Variants in PRKG1 observed in about 807,000 individuals in gnomAD.
The protein encoded by PRKG1 is protein kinase cGMP-dependent 1.
In PRKG1, 35 loss-of-function variants were observed where a neutral mutation model predicts 88.1. That is an observed-to-expected ratio of 0.40 (90% CI 0.30 to 0.53). The LOEUF is 0.53. Among genes scored for constraint, PRKG1 ranks in the 20% least tolerant of loss-of-function variants. The pLI is 0.59. For synonymous variants in PRKG1, 303 were observed against 292.5 expected (o/e 1.04, Z -0.37); for missense variants, 540 against 839.8 (o/e 0.64, Z 4.41).
intron 2 of PRKG1, among the ~76,000 whole-genome samples, chr10:51,441,254 C>A (rs1463630555): frequency 1.3e-5 from 2 of 151,902 alleles, no homozygotes; most frequent in African/African-American, 4.8e-5. Flanking sequence ...TATGTTTAGT[C>A]AGTTTTGCTC....
chr10:51,001,924 T>C (rs1842893957), intron 1 of PRKG1, among the ~76,000 whole-genome samples: 1 of 151,448 alleles, frequency 6.6e-6, no homozygotes, highest in Non-Finnish European at 1.5e-5. Context: ...ATTTATAAGT[T>C]TGAAAAGTGT....
chr10:51,597,174 T>G (rs1838472793), intron 3 of PRKG1, among the ~76,000 whole-genome samples: 1 of 130,250 alleles, frequency 7.7e-6, no homozygotes. Flanking sequence ...CTAGAGTTTG[T>G]TTTTTTTTTA....
At chr10:52,269,065 A>T (rs192342274) in intron 10 of PRKG1, among the ~76,000 whole-genome samples, 2,103 of 139,374 alleles carry the variant, frequency 0.015, 60 homozygotes, top group African/African-American at 0.061. Context: ...TACAAGTATA[A>T]AAAAAAAAAA....
chr10:51,138,751 C>T (rs765410541), intron 1 of PRKG1, among the ~76,000 whole-genome samples: 34 of 126,876 alleles, frequency 2.7e-4, no homozygotes, highest in African/African-American at 9.4e-4. Context: ...GGCATGATCT[C>T]GGCTCACTGC....
chr10:51,890,177 T>G (rs529343467), intron 4 of PRKG1, among the ~76,000 whole-genome samples: 1 of 152,284 alleles, frequency 6.6e-6, no homozygotes, highest in African/African-American at 2.4e-5. Context: ...TCTTCTAGGG[T>G]TTTTATGGTT....
At chr10:52,164,293 G>A (rs570045837) in intron 9 of PRKG1, among the ~76,000 whole-genome samples, 132 of 152,142 alleles carry the variant, frequency 8.7e-4, no homozygotes, top group Non-Finnish European at 1.4e-3. Context: ...GGAGGTTGCC[G>A]TGAGCCAAGA....
intron 8 of PRKG1, among the ~76,000 whole-genome samples, chr10:52,149,921 T>C (rs2132665285): frequency 6.6e-6 from 1 of 151,988 alleles, no homozygotes; most frequent in East Asian, 1.9e-4. Flanking sequence ...CCAAGGTGGG[T>C]GGAATCACTT....
intron 3 of PRKG1, among the ~76,000 whole-genome samples, chr10:51,500,940 T>G (rs186023982): frequency 1.3e-5 from 2 of 152,316 alleles, no homozygotes; most frequent in African/African-American, 4.8e-5. Flanking sequence ...GTAATTGTGT[T>G]TTTTGCCATT....
intron 5 of PRKG1, among the ~76,000 whole-genome samples, chr10:51,988,281 A>G (rs1346589241): frequency 6.6e-6 from 1 of 152,108 alleles, no homozygotes; most frequent in Non-Finnish European, 1.5e-5. Flanking sequence ...AGATTTATCC[A>G]TGTGGATATG....
intron 4 of PRKG1, among the ~76,000 whole-genome samples, chr10:51,834,478 AAT>A (rs1474376701): frequency 6.6e-6 from 1 of 151,788 alleles, no homozygotes; most frequent in Non-Finnish European, 1.5e-5. Flanking sequence ...CCATCTCTAC[AAT>A]ATATACAAAA....
At chr10:51,722,228 C>CAA (rs58364400) in intron 3 of PRKG1, among the ~76,000 whole-genome samples, 4 of 133,646 alleles carry the variant, frequency 3.0e-5, no homozygotes, top group African/African-American at 1.1e-4. Flanking sequence ...GACTCTATCT[C>CAA]AAAAAAAAAA....
chr10:51,204,707 A>G (rs1174849946), intron 2 of PRKG1, among the ~76,000 whole-genome samples: 1 of 152,174 alleles, frequency 6.6e-6, no homozygotes, highest in Non-Finnish European at 1.5e-5. Context: ...ACCAGACCCC[A>G]GATCCCAGGG....
At chr10:51,815,712 A>C (rs1589313520) in intron 4 of PRKG1, among the ~76,000 whole-genome samples, 1 of 152,198 alleles carries the variant, frequency 6.6e-6, no homozygotes, top group South Asian at 2.1e-4. Context: ...GCTTGGAATA[A>C]AGTTAATCAT....
chr10:51,455,823 G>A (rs780156186), intron 2 of PRKG1, among the ~76,000 whole-genome samples: 1 of 152,142 alleles, frequency 6.6e-6, no homozygotes, highest in Non-Finnish European at 1.5e-5. Flanking sequence ...AGCCCTCCAA[G>A]TCTCTAGGAA....
chr10:51,403,598 T>G (rs555081102), intron 2 of PRKG1, among the ~76,000 whole-genome samples: 2 of 152,270 alleles, frequency 1.3e-5, no homozygotes, highest in South Asian at 4.1e-4. Flanking sequence ...AATAATCCAT[T>G]TAAGTAAGTA....
chr10:51,721,865 T>C (rs1842021424), intron 3 of PRKG1, among the ~76,000 whole-genome samples: 1 of 152,198 alleles, frequency 6.6e-6, no homozygotes, highest in Non-Finnish European at 1.5e-5. Context: ...GACTGCCTAA[T>C]AATTCCATTT....
intron 3 of PRKG1, among the ~76,000 whole-genome samples, chr10:51,741,269 C>G (rs564484187): frequency 6.6e-6 from 1 of 152,150 alleles, no homozygotes; most frequent in Non-Finnish European, 1.5e-5. Flanking sequence ...CACTCAGTTT[C>G]AATTCATTAC....
At chr10:52,031,504 G>A (rs999746695) in intron 5 of PRKG1, among the ~76,000 whole-genome samples, 3 of 152,156 alleles carry the variant, frequency 2.0e-5, no homozygotes, top group Non-Finnish European at 4.4e-5. Flanking sequence ...TTTATAAATT[G>A]TAGAGTATTT....
chr10:52,281,464 C>A (rs1220629658), intron 13 of PRKG1, among the ~76,000 whole-genome samples: 1 of 151,964 alleles, frequency 6.6e-6, no homozygotes, highest in Non-Finnish European at 1.5e-5. Context: ...CAGCTTGATT[C>A]CATTTTTAAA....
Sources: gnomAD v4.1 joint callset for allele counts (sites outside exome capture counted in the v4.1 genomes callset) on GRCh38, gnomAD v4.1.1 for gene constraint, MANE v1.5 for transcripts, NCBI Gene and HGNC (gene_info 2026-07-23, HGNC 2026-07-21) for gene names.